Variants in MMS22L observed in about 807,000 individuals in gnomAD.
MMS22L encodes the protein protein MMS22-like.
Under a neutral mutation model 159.1 loss-of-function variants are expected in MMS22L, and 74 were observed. The observed-to-expected ratio is 0.47, with a 90% CI of 0.39 to 0.56. The LOEUF (loss-of-function observed/expected upper bound fraction) is 0.56, where lower values mean the gene tolerates loss of function less well. Among genes scored for constraint, MMS22L ranks in the 20% least tolerant of loss-of-function variants. The probability of loss-of-function intolerance (pLI) is 0.00; values close to 1 mark genes in which losing one functional copy is unlikely to be tolerated. For synonymous variants in MMS22L, 517 were observed against 506.9 expected (o/e 1.02, Z -0.27); for missense variants, 1,351 against 1,422.1 (o/e 0.95, Z 0.80).
intron 11 of MMS22L, among the ~76,000 whole-genome samples, chr6:97,244,261 C>T (rs1183877406): frequency 6.6e-6 from 1 of 152,154 alleles, no homozygotes; most frequent in Non-Finnish European, 1.5e-5. Flanking sequence ...CATAAACTTG[C>T]CCTGAAATCA....
chr6:97,252,602 G>A (rs956816488), intron 10 of MMS22L, among the ~76,000 whole-genome samples: 2 of 147,866 alleles, frequency 1.4e-5, no homozygotes, highest in Non-Finnish European at 3.0e-5. Context: ...CCGAGATCAC[G>A]CCATTATACT....
At chr6:97,252,368 G>C (rs2128053043) in intron 10 of MMS22L, among the ~76,000 whole-genome samples, 1 of 152,160 alleles carries the variant, frequency 6.6e-6, no homozygotes, top group South Asian at 2.1e-4. Context: ...GCTCACACCT[G>C]TAATCCCAGC....
chr6:97,254,591 T>A lies in MMS22L; in HGVS notation c.1085A>T (p.Tyr362Phe), dbSNP rs773955486. The A allele has an allele frequency of 6.2e-7, 1 of 1,613,480 alleles. No individual in the cohort carries two copies. The highest frequency in any genetic ancestry group is 2.2e-5 in the East Asian group (1 of 44,816). Reference sequence around the variant, plus strand: ...TGGTACTCCATGGCGATCAAACTTGTAAAATGATGCTACATGAGTAATAAT... The same window carrying A: ...TGGTACTCCATGGCGATCAAACTTGAAAAATGATGCTACATGAGTAATAAT... The part of the protein sequence containing the change: ...WWIITHVASF[Y>F]KFDRHGVPDE... The change falls in exon 10 of 25, where the codon TAC becomes TTC. Residue 362 changes from tyrosine to phenylalanine, a missense_variant. Coordinates refer to ENST00000683635, the MANE Select transcript of MMS22L (RefSeq NM_001350599.2).
At chr6:97,167,925 A>C (rs1485650816) in intron 20 of MMS22L, 146 bp downstream of exon 20, 1 of 745,924 alleles carries the variant, frequency 1.3e-6, no homozygotes, top group Non-Finnish European at 2.0e-6. Flanking sequence ...ACATAAAAGC[A>C]ATTTAAAATA....
intron 14 of MMS22L, among the ~76,000 whole-genome samples, chr6:97,213,231 A>AC (rs938313725): frequency 6.6e-5 from 10 of 151,552 alleles, no homozygotes; most frequent in African/African-American, 2.4e-4. Flanking sequence ...ACATGGAAAA[A>AC]CCCCATCTCT....
At chr6:97,242,830 C>T (rs1393654396) in intron 11 of MMS22L, among the ~76,000 whole-genome samples, 1 of 152,188 alleles carries the variant, frequency 6.6e-6, no homozygotes. Context: ...ATCTTTCCTT[C>T]ATTTATGAAG....
intron 9 of MMS22L, among the ~76,000 whole-genome samples, chr6:97,256,113 T>C (rs763600724): frequency 1.3e-5 from 2 of 152,148 alleles, no homozygotes; most frequent in Non-Finnish European, 2.9e-5. Flanking sequence ...GTATACCTAC[T>C]GTATCCATCA....
In MMS22L at chr6:97,273,051, T is replaced by A; in HGVS notation, c.352A>T (p.Thr118Ser). The A allele has an allele frequency of 6.2e-7, 1 of 1,606,336 alleles. No individual in the cohort carries two copies. The highest frequency in any genetic ancestry group is 1.1e-5 in the South Asian group (1 of 89,236). The change falls in exon 5 of 25, where the codon ACT becomes TCT. Residue 118 changes from threonine to serine, a missense_variant. Physicochemically the swap from Thr to Ser is moderately conservative, Grantham distance 58. Transcript: ENST00000683635. Reference sequence around the variant, plus strand: ...ATATTGTCTGCTTTGCAGTGTAGAGTTGATACCTTCCCTGAAACCAAAATA... The same window carrying A: ...ATATTGTCTGCTTTGCAGTGTAGAGATGATACCTTCCCTGAAACCAAAATA... ...QSSCDFGKVS[T>S]LHCKADNIRQ...
chr6:97,206,465 CA>C (rs1193420567), intron 14 of MMS22L, among the ~76,000 whole-genome samples: 7 of 151,448 alleles, frequency 4.6e-5, no homozygotes, highest in African/African-American at 1.7e-4. Context: ...TTAAAAACTT[CA>C]ATATAAGCAC....
intron 11 of MMS22L, among the ~76,000 whole-genome samples, 188 bp downstream of exon 11, chr6:97,246,440 A>C (rs1455564951): frequency 6.6e-6 from 1 of 152,240 alleles, no homozygotes; most frequent in African/African-American, 2.4e-5. Flanking sequence ...ATTGTCCTTT[A>C]ACTGACAACT....
intron 11 of MMS22L, among the ~76,000 whole-genome samples, chr6:97,243,558 C>T (rs78597129): frequency 7.9e-5 from 12 of 152,188 alleles, no homozygotes; most frequent in East Asian, 5.8e-4. Context: ...CGTTAAGAAT[C>T]GACCTTTAGA....
At chr6:97,202,403 C>G (rs987981116) in intron 14 of MMS22L, among the ~76,000 whole-genome samples, 3 of 152,128 alleles carry the variant, frequency 2.0e-5, no homozygotes, top group African/African-American at 7.2e-5. Context: ...ATATATAGAG[C>G]AAAGCTGCGA....
At chr6:97,165,894 A>T (rs1222903227) in intron 20 of MMS22L, among the ~76,000 whole-genome samples, 4 of 152,086 alleles carry the variant, frequency 2.6e-5, no homozygotes, top group African/African-American at 7.2e-5. Flanking sequence ...AAAATCTGAT[A>T]ATCTTTTTTA....
intron 18 of MMS22L, among the ~76,000 whole-genome samples, chr6:97,177,139 T>C (rs1804207065): frequency 6.6e-6 from 1 of 152,102 alleles, no homozygotes; most frequent in Non-Finnish European, 1.5e-5. Flanking sequence ...GGCCAACAGT[T>C]CTCTGCACCT....
intron 2 of MMS22L, among the ~76,000 whole-genome samples, chr6:97,282,024 C>T (rs1312578265): frequency 6.6e-6 from 1 of 152,096 alleles, no homozygotes; most frequent in Admixed American, 6.5e-5. Context: ...CTGCAAAAGG[C>T]TCAGATAGTT....
At chr6:97,233,067 GAA>G (rs573093148) in intron 12 of MMS22L, among the ~76,000 whole-genome samples, 1 of 132,078 alleles carries the variant, frequency 7.6e-6, no homozygotes, top group Non-Finnish European at 1.6e-5. Flanking sequence ...ACCACTTTCA[GAA>G]AAAAAAAAAA....
chr6:97,151,881 T>G lies in MMS22L; in HGVS notation c.3386-14A>C. On this transcript the variant is annotated splice_polypyrimidine_tract_variant and intron_variant, in intron 22 of 24. Coordinates refer to ENST00000683635, the MANE Select transcript of MMS22L (RefSeq NM_001350599.2). ...CCAGCCTTTTAACTAGAAGGAAAAA[T>G]TACAGCATTAGGCACTGTGTCTGAA... The G allele has an allele frequency of 6.2e-7, 1 of 1,602,850 alleles. No individual in the cohort carries two copies. Among genetic ancestry groups the G allele is most frequent in the Non-Finnish European group, 8.5e-7 (1 of 1,169,998 alleles).
chr6:97,203,049 C>A (rs34914721), intron 14 of MMS22L, among the ~76,000 whole-genome samples: 41,758 of 152,094 alleles, frequency 0.27, 7,542 homozygotes, highest in Non-Finnish European at 0.4. Context: ...TACTTAGAAA[C>A]ACATCACCCA....
chr6:97,212,407 A>G (rs139276187), intron 14 of MMS22L, among the ~76,000 whole-genome samples: 2 of 152,324 alleles, frequency 1.3e-5, no homozygotes, highest in African/African-American at 4.8e-5. Context: ...TGGAATACCT[A>G]TCATTGTACT....
Sources: allele counts gnomAD v4.1 joint callset (sites outside exome capture counted in the v4.1 genomes callset), GRCh38; gene constraint gnomAD v4.1.1; transcripts MANE v1.5; gene names NCBI Gene and HGNC (gene_info 2026-07-23, HGNC 2026-07-21).